The following ADCY5 variants were observed in gnomAD, a reference collection of about 807,000 sequenced individuals.
The protein encoded by ADCY5 is adenylate cyclase 5.
In ADCY5, 30 loss-of-function variants were observed where a neutral mutation model predicts 119.7. The observed-to-expected ratio is 0.25, with a 90% CI of 0.19 to 0.34. The LOEUF (loss-of-function observed/expected upper bound fraction) is 0.34, where lower values mean the gene tolerates loss of function less well. ADCY5 is among the 10% of genes least tolerant of loss of function. ADCY5 has a pLI of 1.00. For synonymous variants in ADCY5, 753 were observed against 762.2 expected (o/e 0.99, Z 0.20); for missense variants, 1,324 against 1,775.2 (o/e 0.75, Z 4.57).
In ADCY5 at chr3:123,448,584, G is replaced by A. The variant is rs1945874476; in HGVS notation, c.-39C>T. ...TCGTCGTCTCCTTCCTCCTCCCCCG[G>A]AAGCCGGGCCGGGGGTCTCCAAGGG... On this transcript the variant is annotated 5_prime_UTR_variant, in exon 1 of 21. Coordinates refer to ENST00000462833, the MANE Select transcript of ADCY5 (RefSeq NM_183357.3). The A allele has an allele frequency of 2.4e-6, 3 of 1,265,276 alleles. No individual in the cohort carries two copies. In the East Asian group the frequency reaches 9.5e-5, roughly 40 times the overall value. The allele number at this position is 1,265,276 out of a possible 1,614,324, so 78.4% of individuals were successfully genotyped here. A position where few individuals can be genotyped will look rare whatever the true frequency, so the allele number is the denominator to read the frequency against.
intron 7 of ADCY5, among the ~76,000 whole-genome samples, chr3:123,326,561 T>C (rs4678008): frequency 0.97 from 147,581 of 152,232 alleles, 71,690 homozygotes; most frequent in Non-Finnish European, 1. Flanking sequence ...ACCCAGGCAC[T>C]GAGAGATGTG....
At position 123,352,369 on chromosome 3, in the gene ADCY5, C is replaced by T. The variant is rs1169666044; in HGVS notation, c.1284+63G>A. ...CACTGCCCGCCCTAGGCCAGGCACTCAGCTGAGGTACATCTCAGGGCTCGA... is the reference window on the plus strand; with the variant it reads ...CACTGCCCGCCCTAGGCCAGGCACTTAGCTGAGGTACATCTCAGGGCTCGA... On this transcript the variant is annotated intron_variant, in intron 2 of 20. Coordinates refer to ENST00000462833, the MANE Select transcript of ADCY5 (RefSeq NM_183357.3). The surrounding 1 kb of genome is among the most constrained non-coding windows in gnomAD (Gnocchi z 4.8). 1 of 1,534,904 alleles carries T rather than the reference C, an allele frequency of 6.5e-7. No homozygotes were observed. Among genetic ancestry groups the T allele is most frequent in the Non-Finnish European group, 8.8e-7 (1 of 1,140,214 alleles).
intron 1 of ADCY5, among the ~76,000 whole-genome samples, chr3:123,408,462 C>T (rs1182828616): frequency 4.8e-5 from 7 of 147,340 alleles, no homozygotes; most frequent in Admixed American, 1.4e-4. Context: ...TCGAGACCAG[C>T]CAGCCCAATA....
chr3:123,396,017 A>AGAGGGAGGGAGGGAGG (rs1434937534), intron 1 of ADCY5, among the ~76,000 whole-genome samples: 1 of 116,788 alleles, frequency 8.6e-6, no homozygotes, highest in Non-Finnish European at 1.7e-5. Flanking sequence ...AGAGAAAGAG[A>AGAGGGAGGGAGGGAGG]GAGGGAGGGA....
intron 1 of ADCY5, among the ~76,000 whole-genome samples, chr3:123,376,189 T>G (rs1029921627): frequency 6.6e-6 from 1 of 151,182 alleles, no homozygotes; most frequent in Non-Finnish European, 1.5e-5. Context: ...ATGCCAAGAG[T>G]GTAGCTGAGA....
intron 18 of ADCY5, among the ~76,000 whole-genome samples, chr3:123,290,497 C>T (rs111319009): frequency 3.9e-5 from 6 of 152,234 alleles, no homozygotes; most frequent in South Asian, 2.1e-4. Flanking sequence ...GCCCCTCTCA[C>T]GCCCATGACT....
chr3:123,398,921 A>T (rs561694791), intron 1 of ADCY5, among the ~76,000 whole-genome samples: 1 of 152,186 alleles, frequency 6.6e-6, no homozygotes, highest in East Asian at 1.9e-4. Context: ...AAGCTCATCA[A>T]TGGGAGAGCT....
intron 1 of ADCY5, among the ~76,000 whole-genome samples, chr3:123,407,589 T>TAA (rs35895488): frequency 0.071 from 6,678 of 93,930 alleles, 361 homozygotes; most frequent in African/African-American, 0.11. Context: ...CTATCTCTAC[T>TAA]AAAAAAAAAA....
In ADCY5 at chr3:123,283,572, C is replaced by CA. The variant is rs1445811890; in HGVS notation, c.*1035dup. The CA allele has an allele frequency of 6.6e-6, 1 of 152,154 alleles. No individual in the cohort carries two copies. Among genetic ancestry groups the CA allele is most frequent in the Non-Finnish European group, 1.5e-5 (1 of 68,038 alleles). 9.4% of individuals were successfully genotyped at this position (152,154 alleles called of 1,614,324 possible). The stretch of plus-strand genomic sequence containing the variant: ...ATATGGTACCCCAAAAGCACACACC[C>CA]ACTGCTCTGGTGGTACCTTGGAAAA... On this transcript the variant is annotated 3_prime_UTR_variant, in exon 21 of 21. Transcript: ENST00000462833.
intron 1 of ADCY5, among the ~76,000 whole-genome samples, chr3:123,375,622 C>T (rs1018546149): frequency 6.6e-6 from 1 of 152,240 alleles, no homozygotes; most frequent in Non-Finnish European, 1.5e-5. Flanking sequence ...GAGTCTGCCC[C>T]AAGAATGCTC....
At chr3:123,340,289 CA>C (rs199931069) in intron 3 of ADCY5, among the ~76,000 whole-genome samples, 12 of 149,226 alleles carry the variant, frequency 8.0e-5, no homozygotes, top group African/African-American at 2.0e-4. Flanking sequence ...GACTTTGTTT[CA>C]AAAAAAAAGT....
intron 1 of ADCY5, among the ~76,000 whole-genome samples, chr3:123,417,908 C>A (rs776924574): frequency 6.6e-6 from 1 of 152,168 alleles, no homozygotes; most frequent in African/African-American, 2.4e-5. Context: ...CTGCAATGTG[C>A]TGGAGGAAAA....
At chr3:123,394,880 G>C (rs1323596720) in intron 1 of ADCY5, among the ~76,000 whole-genome samples, 2 of 152,206 alleles carry the variant, frequency 1.3e-5, no homozygotes, top group Non-Finnish European at 2.9e-5. Flanking sequence ...GACAAAGCAT[G>C]TACTTTCAGA....
intron 1 of ADCY5, among the ~76,000 whole-genome samples, chr3:123,378,105 G>A (rs1170362685): frequency 3.9e-5 from 6 of 152,090 alleles, no homozygotes; most frequent in South Asian, 4.2e-4. Context: ...TATAGCAGTC[G>A]CCTGCTCTCA....
rs539405512 is a variant in ADCY5, at chr3:123,360,332, T to C, written c.1135-7751A>G. 2.6e-5 allele frequency among the ~76,000 whole-genome samples: 4 copies of C among 152,248 alleles called. No homozygotes were observed. The South Asian group carries it at 8.3e-4, about 32-fold the overall frequency. Reference sequence around the variant, plus strand: ...AGACAACATCGCCTTTCTCCTCTCCTTTCCAGCTAGGATCTAGCTGCTCTG... The same window carrying C: ...AGACAACATCGCCTTTCTCCTCTCCCTTCCAGCTAGGATCTAGCTGCTCTG... On this transcript the variant is annotated intron_variant, in intron 1 of 20. Transcript: ENST00000462833.
At chr3:123,437,818 C>T (rs1335528363) in intron 1 of ADCY5, among the ~76,000 whole-genome samples, 2 of 152,130 alleles carry the variant, frequency 1.3e-5, no homozygotes, top group African/African-American at 4.8e-5. Flanking sequence ...CAAGGGACCC[C>T]AAGCCCACCA....
intron 1 of ADCY5, among the ~76,000 whole-genome samples, chr3:123,409,564 T>A (rs1944990800): frequency 6.6e-6 from 1 of 152,164 alleles, no homozygotes; most frequent in South Asian, 2.1e-4. Flanking sequence ...CCTCAACTGA[T>A]TATCTAGCAC....
intron 18 of ADCY5, among the ~76,000 whole-genome samples, chr3:123,290,470 G>A (rs1939075500): frequency 6.6e-6 from 1 of 152,196 alleles, no homozygotes; most frequent in African/African-American, 2.4e-5. Flanking sequence ...CCCAGGCCCG[G>A]CGTGCCCGCT....
chr3:123,321,656 T>TTCCCTTCC (rs1941225487), intron 8 of ADCY5, among the ~76,000 whole-genome samples: 2 of 152,122 alleles, frequency 1.3e-5, no homozygotes, highest in Non-Finnish European at 2.9e-5. Flanking sequence ...TGTGGAGCAC[T>TTCCCTTCC]CTGCTGGGCA....
Sources: gnomAD v4.1 joint callset for allele counts (sites outside exome capture counted in the v4.1 genomes callset) on GRCh38, gnomAD v4.1.1 for gene constraint, Gnocchi (gnomAD v3.1) non-coding constraint, MANE v1.5 for transcripts, NCBI Gene and HGNC (gene_info 2026-07-23, HGNC 2026-07-21) for gene names.